The following RAPGEF2 variants were observed in gnomAD, a reference collection of about 807,000 sequenced individuals.
RAPGEF2 encodes the protein PDZ domain containing guanine nucleotide exchange factor (GEF) 1.
In RAPGEF2, 54 loss-of-function variants were observed where a neutral mutation model predicts 186.7. That is an observed-to-expected ratio of 0.29 (90% confidence interval 0.23 to 0.36). The LOEUF is 0.36. Among genes scored for constraint, RAPGEF2 ranks in the 10% least tolerant of loss-of-function variants. The probability of loss-of-function intolerance (pLI) is 1.00; values close to 1 mark genes in which losing one functional copy is unlikely to be tolerated. For synonymous variants in RAPGEF2, 712 were observed against 705.9 expected, an observed-to-expected ratio of 1.01 and a Z score of -0.14; for missense variants, 1,532 against 2,045.0, an observed-to-expected ratio of 0.75 and a Z score of 4.84.
intron 7 of RAPGEF2, among the ~76,000 whole-genome samples, chr4:159,251,121 G>T (rs1230052497): frequency 2.6e-5 from 4 of 152,210 alleles, no homozygotes; most frequent in Non-Finnish European, 5.9e-5. Flanking sequence ...TGGCCCGCCT[G>T]CCTGCCCGCC....
At chr4:159,113,915 A>G (rs1283166329) in intron 1 of RAPGEF2, among the ~76,000 whole-genome samples, 2 of 151,976 alleles carry the variant, frequency 1.3e-5, no homozygotes, top group Admixed American at 1.3e-4. Context: ...CATAATAGCT[A>G]ATAAATAAAT....
chr4:159,265,300 A>T (rs563990604), intron 7 of RAPGEF2, among the ~76,000 whole-genome samples: 1 of 152,286 alleles, frequency 6.6e-6, no homozygotes, highest in South Asian at 2.1e-4. Flanking sequence ...TACTCTTGGG[A>T]CTACATGCAA....
chr4:159,244,410 T>C (rs1275024965), intron 7 of RAPGEF2, among the ~76,000 whole-genome samples: 1 of 151,964 alleles, frequency 6.6e-6, no homozygotes, highest in East Asian at 1.9e-4. Context: ...ATAATCTCCT[T>C]GCTCACTTCT....
intron 7 of RAPGEF2, among the ~76,000 whole-genome samples, chr4:159,268,803 G>A (rs1757745723): frequency 6.6e-6 from 1 of 151,842 alleles, no homozygotes; most frequent in Middle Eastern, 3.2e-3. Flanking sequence ...GAAATCCCAT[G>A]GGCAGCTACC....
intron 7 of RAPGEF2, among the ~76,000 whole-genome samples, chr4:159,264,894 T>G (rs1412017938): frequency 1.3e-5 from 2 of 152,216 alleles, no homozygotes; most frequent in African/African-American, 4.8e-5. Context: ...GCTTGATGTT[T>G]TCAAGTTTTA....
chr4:159,317,255 A>G (rs1308162504), intron 9 of RAPGEF2, among the ~76,000 whole-genome samples: 1 of 152,224 alleles, frequency 6.6e-6, no homozygotes, highest in Admixed American at 6.5e-5. Context: ...CTCTTTATAG[A>G]TGAATATTGT....
At chr4:159,344,323 A>C (rs1316113351) in intron 23 of RAPGEF2, among the ~76,000 whole-genome samples, 1 of 152,162 alleles carries the variant, frequency 6.6e-6, no homozygotes, top group Non-Finnish European at 1.5e-5. Flanking sequence ...GCTCTTAGAA[A>C]AATTTTATTT....
intron 1 of RAPGEF2, among the ~76,000 whole-genome samples, chr4:159,146,103 A>G (rs749457519): frequency 6.6e-6 from 1 of 151,946 alleles, no homozygotes; most frequent in Non-Finnish European, 1.5e-5. Flanking sequence ...TCCATATTTC[A>G]TGGTTGTCCT....
At chr4:159,244,023 C>T (rs546590152) in intron 7 of RAPGEF2, among the ~76,000 whole-genome samples, 1 of 151,986 alleles carries the variant, frequency 6.6e-6, no homozygotes, top group East Asian at 1.9e-4. Context: ...GTGCAAGCTA[C>T]TTATTTTTAA....
chr4:159,230,853 A>G (rs1358964148), intron 4 of RAPGEF2, among the ~76,000 whole-genome samples: 1 of 152,122 alleles, frequency 6.6e-6, no homozygotes, highest in African/African-American at 2.4e-5. Context: ...TAAACTACTT[A>G]AGAAGAGGGA....
At chr4:159,124,166 T>G (rs1560986339) in intron 1 of RAPGEF2, among the ~76,000 whole-genome samples, 1 of 151,818 alleles carries the variant, frequency 6.6e-6, no homozygotes, top group Non-Finnish European at 1.5e-5. Flanking sequence ...TTGTTGTTGT[T>G]GTTAGATGTG....
chr4:159,322,223 T>C (rs1765322111), intron 9 of RAPGEF2, 124 bp from the exon 10 acceptor site: 4 of 735,868 alleles, frequency 5.4e-6, no homozygotes, highest in Admixed American at 2.8e-5. Context: ...AGATACTTGA[T>C]ATGTATTTTT....
intron 7 of RAPGEF2, among the ~76,000 whole-genome samples, chr4:159,265,526 A>T (rs1292280140): frequency 1.3e-5 from 2 of 152,200 alleles, no homozygotes; most frequent in Non-Finnish European, 2.9e-5. Flanking sequence ...GAGTGCAGAG[A>T]GTGACCATGA....
chr4:159,251,741 A>G (rs1755431192), intron 7 of RAPGEF2, among the ~76,000 whole-genome samples: 1 of 151,968 alleles, frequency 6.6e-6, no homozygotes, highest in South Asian at 2.1e-4. Flanking sequence ...CCCTGTCAAA[A>G]CGGGCCAATC....
chr4:159,295,750 TGTGTGCGCGC>T (rs1244698807), intron 7 of RAPGEF2, among the ~76,000 whole-genome samples: 56 of 104,516 alleles, frequency 5.4e-4, no homozygotes, highest in African/African-American at 2.0e-3. Context: ...TGTGTGTGTG[TGTGTGCGCGC>T]GCGCGCGCGC....
chr4:159,202,704 C>G (rs1468350939), intron 3 of RAPGEF2, among the ~76,000 whole-genome samples: 1 of 152,126 alleles, frequency 6.6e-6, no homozygotes, highest in Non-Finnish European at 1.5e-5. Context: ...TGGGTTCAAG[C>G]GATTCTCTTG....
At chr4:159,293,565 A>G (rs1561225183) in intron 7 of RAPGEF2, among the ~76,000 whole-genome samples, 1 of 152,216 alleles carries the variant, frequency 6.6e-6, no homozygotes, top group African/African-American at 2.4e-5. Flanking sequence ...ACTTCTTCAT[A>G]AGGAATTTAG....
At chr4:159,187,268 C>A (rs768532453) in intron 2 of RAPGEF2, among the ~76,000 whole-genome samples, 9 of 152,028 alleles carry the variant, frequency 5.9e-5, no homozygotes, top group Non-Finnish European at 1.3e-4. Context: ...CATTTCCACC[C>A]CAGGGTCTGT....
At chr4:159,243,684 C>T in intron 6 of RAPGEF2, 90 bp from the exon 7 acceptor site, 1 of 844,394 alleles carries the variant, frequency 1.2e-6, no homozygotes, top group South Asian at 1.4e-5. Flanking sequence ...TTAACATTAT[C>T]TTCATTTTGG....
Sources: allele counts gnomAD v4.1 joint callset (sites outside exome capture counted in the v4.1 genomes callset), GRCh38; gene constraint gnomAD v4.1.1; transcripts MANE v1.5; gene names NCBI Gene and HGNC (gene_info 2026-07-23, HGNC 2026-07-21).